The following POLA1 variants were observed in gnomAD, a reference collection of about 807,000 sequenced individuals.
POLA1 encodes DNA polymerase alpha 1, catalytic subunit.
In POLA1, 15 loss-of-function variants were observed where a neutral mutation model predicts 124.0. The ratio of observed to expected loss-of-function variants is 0.12; its 90% CI spans 0.08 to 0.19. The LOEUF is 0.19. Ranked by LOEUF, POLA1 falls within the 10% of genes least tolerant of loss-of-function variation. The pLI is 1.00. For missense variants in POLA1, 886 were observed against 1,103.4 expected, an observed-to-expected ratio of 0.80 and a Z score of 2.79; for synonymous variants, 408 against 389.4, an observed-to-expected ratio of 1.05 and a Z score of -0.56.
intron 26 of POLA1, among the ~76,000 whole-genome samples, chrX:24,752,167 A>G (rs1932355295): frequency 8.9e-6 from 1 of 112,328 alleles, no homozygotes; most frequent in African/African-American, 3.2e-5. Context: ...TTCTGTAATC[A>G]AATGTATTAT....
At chrX:24,812,919 G>C (rs1731821357) in intron 29 of POLA1, 56 bp downstream of exon 29, 2 of 685,277 alleles carry the variant, frequency 2.9e-6, no homozygotes, top group Non-Finnish European at 4.6e-6. Context: ...ATTCAGGTGT[G>C]AATGATGTAG....
At chrX:24,833,762 A>G (rs1465486203) in intron 32 of POLA1, among the ~76,000 whole-genome samples, 1 of 112,152 alleles carries the variant, frequency 8.9e-6, no homozygotes. Context: ...TATTTCCAGC[A>G]CAGAGTTACC....
At chrX:24,953,327 C>T (rs1169378087) in intron 36 of POLA1, among the ~76,000 whole-genome samples, 1 of 112,080 alleles carries the variant, frequency 8.9e-6, no homozygotes, top group Non-Finnish European at 1.9e-5. Flanking sequence ...TTGTTGTTTA[C>T]CATGCATCAG....
intron 36 of POLA1, among the ~76,000 whole-genome samples, chrX:24,949,726 TTC>T (rs1427743100): frequency 7.3e-5 from 8 of 109,915 alleles, no homozygotes; most frequent in African/African-American, 2.6e-4. Flanking sequence ...TTTTCTTTTT[TTC>T]TCTTTTTTTT....
chrX:24,970,756 T>G (rs891413411), intron 36 of POLA1, among the ~76,000 whole-genome samples: 1 of 111,794 alleles, frequency 8.9e-6, no homozygotes, highest in Non-Finnish European at 1.9e-5. Flanking sequence ...ATCCAGGGTG[T>G]TTTTTTTAAG....
Position 24,986,129 on chromosome X carries a change from G to A in POLA1, c.4262-9676G>A, listed in dbSNP as rs928595431. 8.1e-5 allele frequency among the ~76,000 whole-genome samples: 9 copies of A among 111,486 alleles called. No homozygotes were observed. In the East Asian group the frequency reaches 1.7e-3, roughly 21 times the overall value. ...AGAGGTTGCAGTGAGCCGAGATCGC[G>A]CCATTGCACTCCAGCCTGTGCAACA... On this transcript the variant is annotated intron_variant, in intron 36 of 36. Coordinates refer to ENST00000379068, the MANE Select transcript of POLA1 (RefSeq NM_001330360.2).
intron 33 of POLA1, among the ~76,000 whole-genome samples, chrX:24,842,565 T>G (rs1416786683): frequency 1.8e-5 from 2 of 112,575 alleles, no homozygotes; most frequent in Non-Finnish European, 1.9e-5. Context: ...CAGCAGATGT[T>G]TTGCATTTTT....
intron 36 of POLA1, among the ~76,000 whole-genome samples, chrX:24,965,660 C>T (rs539324613): frequency 2.7e-5 from 3 of 111,701 alleles, no homozygotes; most frequent in East Asian, 2.8e-4. Flanking sequence ...TGGCTGAGCT[C>T]GTAAAAGTTC....
chrX:24,940,260 A>G (rs946223769), intron 36 of POLA1, among the ~76,000 whole-genome samples: 1 of 112,069 alleles, frequency 8.9e-6, no homozygotes, highest in African/African-American at 3.2e-5. Context: ...ATGACAGCAA[A>G]TTAGATATGA....
intron 35 of POLA1, among the ~76,000 whole-genome samples, chrX:24,913,838 G>A (rs2047489329): frequency 9.1e-6 from 1 of 109,955 alleles, no homozygotes; most frequent in African/African-American, 3.3e-5. Context: ...GACCAACGTG[G>A]CCAACATAGC....
intron 35 of POLA1, among the ~76,000 whole-genome samples, chrX:24,911,918 T>C (rs958640696): frequency 8.9e-6 from 1 of 112,310 alleles, no homozygotes; most frequent in Non-Finnish European, 1.9e-5. Context: ...ATGAAAGAAA[T>C]TGTATTTATA....
chrX:24,712,161 T>C (rs1340779441), intron 4 of POLA1, among the ~76,000 whole-genome samples: 1 of 111,150 alleles, frequency 9.0e-6, no homozygotes, highest in African/African-American at 3.3e-5. Flanking sequence ...TCTCAGGTCA[T>C]TGCAACTTCC....
At chrX:24,992,198 C>T (rs2048542332) in intron 36 of POLA1, among the ~76,000 whole-genome samples, 1 of 111,293 alleles carries the variant, frequency 9.0e-6, no homozygotes, top group Admixed American at 9.6e-5. Context: ...GGTCGGATGG[C>T]TCTACGTGTA....
intron 34 of POLA1, among the ~76,000 whole-genome samples, chrX:24,853,769 C>T (rs1007636825): frequency 1.3e-4 from 15 of 111,535 alleles, no homozygotes; most frequent in Non-Finnish European, 2.4e-4. Flanking sequence ...CCATAGTTAT[C>T]TATCCGTTAT....
At chrX:24,858,995 C>T (rs191944811) in intron 34 of POLA1, among the ~76,000 whole-genome samples, 7 of 111,537 alleles carry the variant, frequency 6.3e-5, no homozygotes, top group Admixed American at 3.8e-4. Context: ...CAGAGCAATA[C>T]CCTCCAGTAT....
intron 34 of POLA1, among the ~76,000 whole-genome samples, chrX:24,864,780 C>T (rs2046770081): frequency 9.1e-6 from 1 of 109,880 alleles, no homozygotes; most frequent in African/African-American, 3.3e-5. Context: ...TAACTTTTCT[C>T]CCCCCATTTT....
At chrX:24,727,243 C>T (rs1234509036) in intron 14 of POLA1, among the ~76,000 whole-genome samples, 172 bp downstream of exon 14, 1 of 111,154 alleles carries the variant, frequency 9.0e-6, no homozygotes, top group Non-Finnish European at 1.9e-5. Flanking sequence ...CACCTTATCT[C>T]GGTAATGCCT....
chrX:24,750,602 G>A (rs746251649), intron 26 of POLA1, among the ~76,000 whole-genome samples: 4 of 112,167 alleles, frequency 3.6e-5, no homozygotes, highest in Non-Finnish European at 7.5e-5. Flanking sequence ...TGTATTGAAC[G>A]CCAGTGATGT....
chrX:24,809,919 A>G lies in POLA1; in HGVS notation c.2986A>G (p.Met996Val). Residue 996 changes from methionine to valine, a missense_variant, in exon 27 of 37, where the codon ATG becomes GTG. Met to Val is a conservative substitution (Grantham distance 21). Coordinates refer to ENST00000379068, the MANE Select transcript of POLA1 (RefSeq NM_001330360.2). ...TTAGATTTTGATGCATACGAAAGAG[A>G]TGGTACAAAAGGTAATGTTGAGCAT... ...GREILMHTKE[M>V]VQKMNLEVIY... 9.1e-7 allele frequency: 1 copy of G among 1,092,927 alleles called. No homozygotes were observed. Among genetic ancestry groups the G allele is most frequent in the Non-Finnish European group, 1.3e-6 (1 of 799,124 alleles). The allele number at this position is 1,092,927 out of a possible 1,213,427, so 90.1% of individuals were successfully genotyped here.
Sources: allele counts gnomAD v4.1 joint callset (sites outside exome capture counted in the v4.1 genomes callset), GRCh38; gene constraint gnomAD v4.1.1; transcripts MANE v1.5; gene names NCBI Gene and HGNC (gene_info 2026-07-23, HGNC 2026-07-21).